The following PIDD1 variants were observed in gnomAD, a reference collection of about 807,000 sequenced individuals.
PIDD1 encodes the protein p53-induced death domain-containing protein 1.
Under a neutral mutation model 80.0 loss-of-function variants are expected in PIDD1, and 72 were observed. The ratio of observed to expected loss-of-function variants is 0.90; its 90% CI spans 0.74 to 1.09. The LOEUF is 1.09. Ranked by LOEUF, PIDD1 falls within the 50% of genes least tolerant of loss-of-function variation. The pLI, the probability that PIDD1 is intolerant of heterozygous loss-of-function variation, is 0.00. For synonymous variants in PIDD1, 655 were observed against 543.5 expected (o/e 1.21, Z -2.85); for missense variants, 1,329 against 1,228.3 (o/e 1.08, Z -1.23).
At position 803,551 on chromosome 11, in the gene PIDD1, C is replaced by T. The variant is rs769601095; in HGVS notation, c.332G>A (p.Arg111Gln). 4 of 1,612,192 alleles carry T rather than the reference C, an allele frequency of 2.5e-6. No homozygotes were observed. Among genetic ancestry groups the T allele is most frequent in the Non-Finnish European group, 3.4e-6 (4 of 1,179,508 alleles). The change falls in exon 3 of 16, where the codon CGG becomes CAG. Residue 111 changes from arginine (R) to glutamine (Q), a missense_variant. By Grantham distance (43) the Arg-to-Gln change is conservative (BLOSUM62 1). Coordinates refer to ENST00000347755, the MANE Select transcript of PIDD1 (RefSeq NM_145886.4). The stretch of plus-strand genomic sequence containing the variant: ...AGCGGGCAGGTTGGTCAGGGCACCC[C>T]GGAGACAGGCACCCAGTGTGTCCCG... ...QRRDTLGACL[R>Q]GALTNLPAGL...
chr11:799,411 G>A lies in PIDD1; in HGVS notation c.2629C>T (p.Arg877Cys), dbSNP rs374193884. ...EEVRAVLELGRRKYQDSIRRM... is the reference protein window; with the variant it reads ...EEVRAVLELGCRKYQDSIRRM... ...CGGATGCTGTCCTGGTACTTGCGGCGGCCGAGCTCCAAGACTGCGCGCACC... is the reference window on the plus strand; with the variant it reads ...CGGATGCTGTCCTGGTACTTGCGGCAGCCGAGCTCCAAGACTGCGCGCACC... The change falls in exon 16 of 16, where the codon CGC becomes TGC. Residue 877 changes from arginine to cysteine, a missense_variant. Transcript: ENST00000347755. 23 of 1,611,606 alleles carry A rather than the reference G, an allele frequency of 1.4e-5. No individual in the cohort carries two copies. Among genetic ancestry groups the A allele is most frequent in the Middle Eastern group, 3.3e-4 (2 of 6,078 alleles).
chr11:802,936 G>T, intron 3 of PIDD1, 45 bp from the exon 4 acceptor site: 5 of 1,484,352 alleles, frequency 3.4e-6, no homozygotes, highest in Non-Finnish European at 4.6e-6. Flanking sequence ...CCCAGCCCAC[G>T]GCGCTGGGAC....
In PIDD1 at chr11:801,206, G is replaced by T. The variant is rs765245029; in HGVS notation, c.1630+12C>A. 1 of 1,546,488 alleles carries T rather than the reference G, an allele frequency of 6.5e-7. No individual in the cohort carries two copies. ...GCCACAGGTCCAGGTATGCCCCATG[G>T]CTGCCTCTCACCTGTGATGCCAGAG... On this transcript the variant is annotated intron_variant, in intron 9 of 15. Coordinates refer to ENST00000347755, the MANE Select transcript of PIDD1 (RefSeq NM_145886.4).
At position 800,411 on chromosome 11, in the gene PIDD1, G is replaced by C. The variant is rs757002289; in HGVS notation, c.2082C>G (p.Phe694Leu). ...DCVEGRICFV[F>L]YSHLKNVKEV... ...CCTTCACATTCTTCAGGTGCGAGTA[G>C]AAGACAAAGCAGATTCTGCCCTCCA... Residue 694 changes from phenylalanine (F) to leucine (L), a missense_variant, in exon 13 of 16, where the codon TTC becomes TTG. Phe to Leu is a conservative substitution (Grantham distance 22). Transcript: ENST00000347755. 1 of 1,612,860 alleles carries C rather than the reference G, an allele frequency of 6.2e-7. No homozygotes were observed. Among genetic ancestry groups the C allele is most frequent in the Non-Finnish European group, 8.5e-7 (1 of 1,179,998 alleles).
In PIDD1 at chr11:800,398, T is replaced by G. The variant is rs1204968128; in HGVS notation, c.2095A>C (p.Lys699Gln). Residue 699 changes from lysine (K) to glutamine (Q), a missense_variant, in exon 13 of 16, where the codon AAG becomes CAG. Transcript: ENST00000347755. Reference sequence around the variant, plus strand: ...GTCACGTATACCTCCTTCACATTCTTCAGGTGCGAGTAGAAGACAAAGCAG... The same window carrying G: ...GTCACGTATACCTCCTTCACATTCTGCAGGTGCGAGTAGAAGACAAAGCAG... ...RICFVFYSHL[K>Q]NVKEVYVTTT... The G allele has an allele frequency of 6.3e-7, 1 of 1,585,412 alleles. No homozygotes were observed. Among genetic ancestry groups the G allele is most frequent in the African/African-American group, 1.4e-5 (1 of 71,476 alleles).
chr11:802,691 T>G lies in PIDD1; in HGVS notation c.910A>C (p.Ser304Arg). Residue 304 changes from serine (S) to arginine (R), a missense_variant, in exon 4 of 16, where the codon AGT becomes CGT. Coordinates refer to ENST00000347755, the MANE Select transcript of PIDD1 (RefSeq NM_145886.4). ...CTAGCACCAAGCCTACCTGGTGAACTCGGGGCGTCTGGCGAGGCCTCACCC... is the reference window on the plus strand; with the variant it reads ...CTAGCACCAAGCCTACCTGGTGAACGCGGGGCGTCTGGCGAGGCCTCACCC... ...PLGEASPDAP[S>R]SPVAALIPEM... The G allele has an allele frequency of 1.9e-6, 3 of 1,610,492 alleles. No individual in the cohort carries two copies. The highest frequency in any genetic ancestry group is 2.5e-6 in the Non-Finnish European group (3 of 1,178,400).
chr11:802,106 G>T lies in PIDD1; in HGVS notation c.1177-16C>A, dbSNP rs369791381. The T allele has an allele frequency of 1.3e-6, 2 of 1,573,440 alleles. No homozygotes were observed. Among genetic ancestry groups the T allele is most frequent in the East Asian group, 4.7e-5 (2 of 42,992 alleles). ...GCCCCACATCCTGCCAGACAAGGAT[G>T]GTGTGAGCACTGGAGCCATGCCCGG... On this transcript the variant is annotated splice_polypyrimidine_tract_variant and intron_variant, in intron 6 of 15. Transcript: ENST00000347755.
At chr11:801,805 G>C (rs1865358822) in intron 7 of PIDD1, 160 bp downstream of exon 7, 2 of 1,045,858 alleles carry the variant, frequency 1.9e-6, no homozygotes, top group South Asian at 2.8e-5. Flanking sequence ...GCAGGATCCA[G>C]GAGGGACGGG....
upstream of PIDD1, among the ~76,000 whole-genome samples, chr11:807,524 T>C (rs915349220): frequency 2.6e-5 from 4 of 151,116 alleles, no homozygotes; most frequent in African/African-American, 9.8e-5. Flanking sequence ...ACGCCTCTAA[T>C]CCCAGCACTT....
chr11:801,533 C>T lies in PIDD1; in HGVS notation c.1394G>A (p.Gly465Glu), dbSNP rs776163814. 1.9e-6 allele frequency: 3 copies of T among 1,565,848 alleles called. No individual in the cohort carries two copies. Among genetic ancestry groups the T allele is most frequent in the Admixed American group, 1.9e-5 (1 of 52,732 alleles). The change falls in exon 8 of 16, where the codon GGG becomes GAG. Residue 465 changes from glycine to glutamate, a missense_variant. Transcript: ENST00000347755. ...VSNACLVPPE[G>E]TLLCSSGHPG... ...ATGACCCGAGGAGCACAGCAGTGTC[C>T]CCTCCGGTGGCACCAGGCAGGCATT...
At position 803,418 on chromosome 11, in the gene PIDD1, C is replaced by T; in HGVS notation, c.465G>A (p.Leu155=). 6.2e-7 allele frequency: 1 copy of T among 1,613,928 alleles called. No individual in the cohort carries two copies. Among genetic ancestry groups the T allele is most frequent in the Non-Finnish European group, 8.5e-7 (1 of 1,179,998 alleles). Residue 155 remains leucine (L), a synonymous_variant, in exon 3 of 16, where the codon CTG becomes CTA. Transcript: ENST00000347755. ...LQMRGLGALL[L]SHNCLSELPE... ...GCAGCTCAGAGAGGCAGTTGTGAGA[C>T]AGCAAGAGCGCACCCAGACCTCGCA...
Position 804,500 on chromosome 11 carries a change from G to A in PIDD1, c.-75-37C>T, listed in dbSNP as rs940337071. ...GGAGGAGGAGTGAGCGGGAGCCGGGGTGGGCCCTTCTCTTTGGGGAAACAG... is the reference window on the plus strand; with the variant it reads ...GGAGGAGGAGTGAGCGGGAGCCGGGATGGGCCCTTCTCTTTGGGGAAACAG... On this transcript the variant is annotated intron_variant, in intron 1 of 15. Transcript: ENST00000347755. 6.3e-5 allele frequency: 91 copies of A among 1,450,454 alleles called. No homozygotes were observed. In the Admixed American group the frequency reaches 7.6e-4, roughly 12 times the overall value. The allele number at this position is 1,450,454 out of a possible 1,614,324, so 89.8% of individuals were successfully genotyped here.
intron 15 of PIDD1, 48 bp from the exon 16 acceptor site, chr11:799,613 G>A (rs1865056685): frequency 1.3e-6 from 2 of 1,539,030 alleles, no homozygotes; most frequent in Admixed American, 1.8e-5. Flanking sequence ...ACCTGCCCAG[G>A]ACCCCCCACC....
At chr11:805,692 ACCT>A (rs1865734050), upstream of PIDD1, 1 of 984,922 alleles carries the variant, frequency 1.0e-6, no homozygotes, top group African/African-American at 1.8e-5. Context: ...GCCTGCCAGG[ACCT>A]CCTCTCTGGG....
intron 2 of PIDD1, chr11:803,893 A>T (rs536740313): frequency 1.5e-6 from 1 of 673,128 alleles, no homozygotes; most frequent in South Asian, 1.9e-5. Context: ...GCCAGGGCCC[A>T]GCCAGCCCCA....
rs139862316 is a variant in PIDD1, at chr11:801,538, C to T, written c.1389G>A (p.Pro463=). ...RPVSNACLVP[P]EGTLLCSSGH... is the part of the protein sequence containing the mutation. Reference sequence around the variant, plus strand: ...CCGAGGAGCACAGCAGTGTCCCCTCCGGTGGCACCAGGCAGGCATTGGACA... The same window carrying T: ...CCGAGGAGCACAGCAGTGTCCCCTCTGGTGGCACCAGGCAGGCATTGGACA... Residue 463 remains proline, a synonymous_variant, in exon 8 of 16, where the codon CCG becomes CCA. Coordinates refer to ENST00000347755, the MANE Select transcript of PIDD1 (RefSeq NM_145886.4). 1.1e-5 allele frequency: 18 copies of T among 1,566,742 alleles called. No homozygotes were observed. Among genetic ancestry groups the T allele is most frequent in the African/African-American group, 8.1e-5 (6 of 73,886 alleles).
rs1214059961 is a variant in PIDD1, at chr11:801,435, C to T, written c.1482+10G>A. 3.2e-6 allele frequency: 5 copies of T among 1,552,912 alleles called. No individual in the cohort carries two copies. On this transcript the variant is annotated intron_variant, in intron 8 of 15. Transcript: ENST00000347755. ...GCGGCCTGCCACCCTCAGTGCTGTC[C>T]TGGCCATACCTGCATGGAGACTCGA...
intron 2 of PIDD1, 93 bp downstream of exon 2, chr11:804,001 T>A: frequency 7.2e-7 from 1 of 1,394,476 alleles, no homozygotes; most frequent in African/African-American, 1.4e-5. Context: ...GGCCTGGAGC[T>A]GGGGCTGGGA....
chr11:800,812 G>C lies in PIDD1; in HGVS notation c.1867C>G (p.Arg623Gly). 6.4e-7 allele frequency: 1 copy of C among 1,559,304 alleles called. No homozygotes were observed. Among genetic ancestry groups the C allele is most frequent in the South Asian group, 1.2e-5 (1 of 85,178 alleles). Residue 623 changes from arginine (R) to glycine (G), a missense_variant, in exon 11 of 16, where the codon CGG (arginine) becomes GGG (glycine). Transcript: ENST00000347755. ...AGGACCTGCTCAGGGTCCCGGCGCCGCTGCAGAGCGATGAGGTTCACACGG... is the reference window on the plus strand; with the variant it reads ...AGGACCTGCTCAGGGTCCCGGCGCCCCTGCAGAGCGATGAGGTTCACACGG... ...LHRVNLIALQRRRDPEQVLLQ... is the reference protein window; with the variant it reads ...LHRVNLIALQGRRDPEQVLLQ...
Sources: gnomAD v4.1 joint callset for allele counts (sites outside exome capture counted in the v4.1 genomes callset) on GRCh38, gnomAD v4.1.1 for gene constraint, MANE v1.5 for transcripts, NCBI Gene and HGNC (gene_info 2026-07-23, HGNC 2026-07-21) for gene names.